WTAP: variants seen among roughly 807,000 people sequenced by gnomAD.
WTAP encodes pre-mRNA-splicing regulator WTAP.
Under a neutral mutation model 50.0 loss-of-function variants are expected in WTAP, and 8 were observed. The observed-to-expected ratio is 0.16, with a 90% CI of 0.09 to 0.29. The LOEUF (loss-of-function observed/expected upper bound fraction) is 0.29. Among genes scored for constraint, WTAP ranks in the 10% least tolerant of loss-of-function variants. The probability of loss-of-function intolerance (pLI) is 1.00; values close to 1 mark genes in which losing one functional copy is unlikely to be tolerated. For missense variants in WTAP, 295 were observed against 470.7 expected, an observed-to-expected ratio of 0.63 and a Z score of 3.45; for synonymous variants, 194 against 169.0, an observed-to-expected ratio of 1.15 and a Z score of -1.15.
chr6:159,749,938 CA>C (rs1262831687), intron 6 of WTAP, among the ~76,000 whole-genome samples: 1 of 152,080 alleles, frequency 6.6e-6, no homozygotes, highest in African/African-American at 2.4e-5. Flanking sequence ...ATAAATGTTC[CA>C]GCTTGTCCCA....
intron 1 of WTAP, among the ~76,000 whole-genome samples, chr6:159,730,425 T>TTG (rs1309099996): frequency 6.6e-6 from 1 of 152,196 alleles, no homozygotes; most frequent in African/African-American, 2.4e-5. Context: ...ATTTAGGTTA[T>TTG]TGTGTTTGTC....
At chr6:159,743,626 T>A in intron 4 of WTAP, 39 bp from the exon 5 acceptor site, 4 of 1,553,926 alleles carry the variant, frequency 2.6e-6, no homozygotes, top group Non-Finnish European at 3.5e-6. Flanking sequence ...TAGAACTTGA[T>A]CTTAAAATTG....
chr6:159,745,696 A>G (rs540423192), intron 5 of WTAP, among the ~76,000 whole-genome samples: 15 of 152,188 alleles, frequency 9.9e-5, no homozygotes, highest in Non-Finnish European at 1.8e-4. Context: ...GATGTATGTG[A>G]TGGATCAGAT....
At chr6:159,741,134 A>G (rs1779231527) in intron 3 of WTAP, among the ~76,000 whole-genome samples, 3 of 152,228 alleles carry the variant, frequency 2.0e-5, no homozygotes, top group Admixed American at 6.5e-5. Flanking sequence ...GATAGCAGAC[A>G]TTCAGGGCAG....
At chr6:159,745,357 C>T (rs1385004990) in intron 5 of WTAP, among the ~76,000 whole-genome samples, 5 of 152,006 alleles carry the variant, frequency 3.3e-5, no homozygotes, top group South Asian at 2.1e-4. Flanking sequence ...TCAAGGCCTT[C>T]GGTGATACCT....
chr6:159,727,501 G>T, upstream of WTAP: 8 of 993,340 alleles, frequency 8.1e-6, no homozygotes, highest in Non-Finnish European at 8.4e-6. Context: ...GCGGGGCCTG[G>T]TTTCCTCCCT....
In WTAP at chr6:159,738,032, CTG is replaced by C. The variant is rs544079768; in HGVS notation, c.31-955_31-954del. On this transcript the variant is annotated intron_variant, in intron 2 of 7. Coordinates refer to ENST00000621533, the MANE Select transcript of WTAP (RefSeq NM_001270531.2). ...CGTGACTAGCAGACATCTCTAATAA[CTG>C]TGAAAATCAGGGAATTGACATTGGT... Among the ~76,000 whole-genome samples, 29 of 152,332 alleles carry C rather than the reference CTG, an allele frequency of 1.9e-4. 2 individuals are homozygous for C. The highest frequency in any genetic ancestry group is 1.0e-4 in the Non-Finnish European group (7 of 68,036).
intron 7 of WTAP, 59 bp from the exon 8 acceptor site, chr6:159,754,969 A>G: frequency 1.4e-6 from 2 of 1,471,380 alleles, no homozygotes; most frequent in Non-Finnish European, 1.8e-6. Flanking sequence ...CAGGCACTAA[A>G]GAAACATTTT....
chr6:159,747,677 T>G (rs773516687), intron 5 of WTAP, among the ~76,000 whole-genome samples: 1 of 152,206 alleles, frequency 6.6e-6, no homozygotes, highest in African/African-American at 2.4e-5. Flanking sequence ...GGTAAAAAAT[T>G]AAGCAAACCA....
rs1217869465 is a variant in WTAP, at chr6:159,748,602, G to A, written c.452+233G>A. On this transcript the variant is annotated intron_variant, in intron 6 of 7. Transcript: ENST00000621533. The surrounding 1 kb of genome is among the most constrained non-coding windows in gnomAD (Gnocchi z 5.6). ...CCCCTTGCTTCAGAGGCCTGATGGC[G>A]TCGGACTATTCCGAAGAAGTGGCCA... 6 of 1,337,028 alleles carry A rather than the reference G, an allele frequency of 4.5e-6. No homozygotes were observed. In the African/African-American group the frequency reaches 5.9e-5, roughly 13 times the overall value. The allele number at this position is 1,337,028 out of a possible 1,614,324, so 82.8% of individuals were successfully genotyped here.
chr6:159,755,438 GACTCTCCCACGGGCAGTGAAA>G lies in WTAP; in HGVS notation c.1025_1045del (p.Pro342_Ser348del), dbSNP rs768769785. The G allele has an allele frequency of 6.2e-7, 1 of 1,614,130 alleles. No individual in the cohort carries two copies. The highest frequency in any genetic ancestry group is 1.3e-5 in the African/African-American group (1 of 75,024). ...ACTCAGTGCGGGGTATGAAAGTGTAGACTCTCCCACGGGCAGTGAAAACTCTCTCACACACCAATCAAATGA... is the reference window on the plus strand; with the variant it reads ...ACTCAGTGCGGGGTATGAAAGTGTAGACTCTCTCACACACCAATCAAATGA... On this transcript the variant is annotated inframe_deletion, in exon 8 of 8. Coordinates refer to ENST00000621533, the MANE Select transcript of WTAP (RefSeq NM_001270531.2).
intron 5 of WTAP, among the ~76,000 whole-genome samples, chr6:159,746,287 G>C (rs1311744697): frequency 3.9e-5 from 6 of 152,152 alleles, no homozygotes; most frequent in Non-Finnish European, 7.4e-5. Flanking sequence ...GGAGTTTGGA[G>C]GGAATAGGTT....
upstream of WTAP, chr6:159,726,891 G>T (rs1300679398): frequency 7.8e-7 from 1 of 1,289,004 alleles, no homozygotes; most frequent in Non-Finnish European, 1.0e-6. Context: ...GCGGCTCGCC[G>T]CCCACGGCCT....
At chr6:159,731,638 G>T (rs1475639025) in intron 1 of WTAP, among the ~76,000 whole-genome samples, 2 of 152,184 alleles carry the variant, frequency 1.3e-5, no homozygotes, top group African/African-American at 2.4e-5. Flanking sequence ...CACTGAGTCT[G>T]TGTTTTTGAT....
At chr6:159,733,230 CAG>C (rs912150290) in intron 1 of WTAP, among the ~76,000 whole-genome samples, 3 of 152,124 alleles carry the variant, frequency 2.0e-5, no homozygotes, top group Admixed American at 2.0e-4. Flanking sequence ...CTTCATAGGA[CAG>C]AGTGACTTGC....
At chr6:159,754,961 G>A in intron 7 of WTAP, 67 bp from the exon 8 acceptor site, 1 of 1,432,488 alleles carries the variant, frequency 7.0e-7, no homozygotes, top group Non-Finnish European at 9.3e-7. Flanking sequence ...CTTTGTGGCA[G>A]GCACTAAAGA....
rs1484213991 is a variant in WTAP, at chr6:159,727,515, C to T, written c.-197C>T. On this transcript the variant is annotated 5_prime_UTR_variant, in exon 1 of 8. Coordinates refer to ENST00000621533, the MANE Select transcript of WTAP (RefSeq NM_001270531.2). ...GGCGGGGCCTGGTTTCCTCCCTCAGCGCCATTTTGTGGCAGCGAGACCCAC... is the reference window on the plus strand; with the variant it reads ...GGCGGGGCCTGGTTTCCTCCCTCAGTGCCATTTTGTGGCAGCGAGACCCAC... 1.0e-5 allele frequency: 10 copies of T among 992,296 alleles called. No individual in the cohort carries two copies. The highest frequency in any genetic ancestry group is 1.2e-5 in the Non-Finnish European group (10 of 835,448). The allele number at this position is 992,296 out of a possible 1,614,324, so 61.5% of individuals were successfully genotyped here.
At chr6:159,737,276 C>T (rs370941062) in intron 2 of WTAP, among the ~76,000 whole-genome samples, 81 of 152,140 alleles carry the variant, frequency 5.3e-4, no homozygotes, top group African/African-American at 2.0e-3. Context: ...CTCGAACTCC[C>T]GGGCTCAAGA....
chr6:159,742,282 T>C, intron 4 of WTAP, 136 bp downstream of exon 4: 1 of 657,176 alleles, frequency 1.5e-6, no homozygotes, highest in Non-Finnish European at 2.5e-6. Context: ...AGGCACTGTG[T>C]TGGGTGCAAG....
Sources: allele counts gnomAD v4.1 joint callset (sites outside exome capture counted in the v4.1 genomes callset), GRCh38; gene constraint gnomAD v4.1.1; non-coding constraint Gnocchi (gnomAD v3.1); transcripts MANE v1.5; gene names NCBI Gene and HGNC (gene_info 2026-07-23, HGNC 2026-07-21).